VAPB: variants seen among roughly 807,000 people sequenced by gnomAD.
The protein encoded by VAPB is vesicle-associated membrane protein-associated protein B/C.
Under a neutral mutation model 25.6 loss-of-function variants are expected in VAPB, and 7 were observed. The observed-to-expected ratio is 0.27, with a 90% CI of 0.16 to 0.51. The LOEUF (loss-of-function observed/expected upper bound fraction) is 0.51, where lower values mean the gene tolerates loss of function less well. VAPB is among the 20% of genes least tolerant of loss of function. The probability of loss-of-function intolerance (pLI) is 0.97; values close to 1 mark genes in which losing one functional copy is unlikely to be tolerated. For missense variants in VAPB, 266 were observed against 301.3 expected (o/e 0.88, Z 0.87); for synonymous variants, 112 against 109.2 (o/e 1.03, Z -0.16).
At chr20:58,414,905 A>C (rs1170133715) in intron 1 of VAPB, among the ~76,000 whole-genome samples, 1 of 152,210 alleles carries the variant, frequency 6.6e-6, no homozygotes, top group Non-Finnish European at 1.5e-5. Context: ...GCGAGCCGAG[A>C]TCACGCCACT....
intron 1 of VAPB, among the ~76,000 whole-genome samples, chr20:58,400,797 T>A (rs998428812): frequency 2.0e-5 from 3 of 152,174 alleles, no homozygotes; most frequent in Admixed American, 6.5e-5. Context: ...AAACCAGAGG[T>A]TTGTCCTTGT....
intron 1 of VAPB, among the ~76,000 whole-genome samples, chr20:58,414,472 G>A (rs1388030683): frequency 6.6e-6 from 1 of 151,588 alleles, no homozygotes; most frequent in East Asian, 2.0e-4. Flanking sequence ...CTCAGACGGG[G>A]CGGTTGCCGG....
Position 58,447,580 on chromosome 20 carries a change from A to G in VAPB, c.*3345A>G, listed in dbSNP as rs190915844. ...ATTGCCCAGTTTGCAGGCTATGTTGAGTCAGATAGAACTGAATGTAGTGAG... is the reference window on the plus strand; with the variant it reads ...ATTGCCCAGTTTGCAGGCTATGTTGGGTCAGATAGAACTGAATGTAGTGAG... On this transcript the variant is annotated 3_prime_UTR_variant, in exon 6 of 6. Transcript: ENST00000475243. 1.1e-5 allele frequency: 5 copies of G among 454,020 alleles called. No homozygotes were observed. Among genetic ancestry groups the G allele is most frequent in the African/African-American group, 8.0e-5 (4 of 50,006 alleles). 28.1% of individuals were successfully genotyped at this position (454,020 alleles called of 1,614,324 possible).
At chr20:58,419,924 A>AT (rs1376869008) in intron 2 of VAPB, among the ~76,000 whole-genome samples, 1 of 152,098 alleles carries the variant, frequency 6.6e-6, no homozygotes, top group East Asian at 1.9e-4. Flanking sequence ...TGGTTGTACA[A>AT]TGTTAGTGTG....
intron 1 of VAPB, among the ~76,000 whole-genome samples, chr20:58,402,938 G>A (rs1386619751): frequency 1.3e-5 from 2 of 152,296 alleles, no homozygotes; most frequent in Admixed American, 6.5e-5. Context: ...TCAGGAGGTG[G>A]AAGCTGCAGT....
At chr20:58,417,614 T>TC (rs1437515491) in intron 1 of VAPB, among the ~76,000 whole-genome samples, 4 of 152,222 alleles carry the variant, frequency 2.6e-5, no homozygotes, top group Non-Finnish European at 2.9e-5. Context: ...ACTCTGAACT[T>TC]CTTGCTACAG....
intron 1 of VAPB, among the ~76,000 whole-genome samples, chr20:58,413,714 A>G (rs1265696842): frequency 1.3e-5 from 2 of 151,720 alleles, no homozygotes; most frequent in Non-Finnish European, 2.9e-5. Flanking sequence ...ACTTCCCAGT[A>G]GGGGCGGCCG....
chr20:58,408,562 A>G (rs1988289595), intron 1 of VAPB, among the ~76,000 whole-genome samples: 1 of 152,202 alleles, frequency 6.6e-6, no homozygotes. Flanking sequence ...ATGGTTATTT[A>G]ACAGCTCACT....
chr20:58,404,719 G>C (rs955850463), intron 1 of VAPB, among the ~76,000 whole-genome samples: 1 of 152,102 alleles, frequency 6.6e-6, no homozygotes, highest in African/African-American at 2.4e-5. Context: ...ATGAGCTAAC[G>C]TCACATTTGA....
chr20:58,450,041 TAAG>T lies in VAPB; in HGVS notation c.*5811_*5813del. 1 of 454,128 alleles carries T rather than the reference TAAG, an allele frequency of 2.2e-6. No individual in the cohort carries two copies. The highest frequency in any genetic ancestry group is 4.4e-6 in the Non-Finnish European group (1 of 226,802). The allele number at this position is 454,128 out of a possible 1,614,324, so 28.1% of individuals were successfully genotyped here. A position where few individuals can be genotyped will look rare whatever the true frequency, so the allele number is the denominator to read the frequency against. Reference sequence around the variant, plus strand: ...CAAGATTGCGGGGCTTTTTAGGGTTTAAGAAGATGAGAAATGAGTGTGCACGTT... The same window carrying T: ...CAAGATTGCGGGGCTTTTTAGGGTTTAAGATGAGAAATGAGTGTGCACGTT... On this transcript the variant is annotated 3_prime_UTR_variant, in exon 6 of 6. Transcript: ENST00000475243.
At chr20:58,410,368 C>T (rs184504973) in intron 1 of VAPB, among the ~76,000 whole-genome samples, 2 of 152,270 alleles carry the variant, frequency 1.3e-5, no homozygotes, top group African/African-American at 2.4e-5. Context: ...CTGCTCTATG[C>T]TCCTTGTGTT....
intron 1 of VAPB, among the ~76,000 whole-genome samples, chr20:58,410,491 A>G (rs1174502871): frequency 6.6e-6 from 1 of 152,116 alleles, no homozygotes; most frequent in African/African-American, 2.4e-5. Flanking sequence ...ATCTTCGCTC[A>G]CTGTAACCTT....
rs746628404 is a variant in VAPB, at chr20:58,439,049, T to A, written c.396+24T>A. ...CAGTAAGTATATTTATAGTTAACAA[T>A]AATTGAATGTTGTAAGCTGATACTT... On this transcript the variant is annotated intron_variant, in intron 4 of 5. Coordinates refer to ENST00000475243, the MANE Select transcript of VAPB (RefSeq NM_004738.5). 3 of 1,590,328 alleles carry A rather than the reference T, an allele frequency of 1.9e-6. No homozygotes were observed. In the Admixed American group the frequency reaches 5.0e-5, roughly 27 times the overall value.
rs554314719 is a variant in VAPB at position 58,447,878 on chromosome 20, G to C, written c.*3643G>C. ...TGAGAAATACATGTATGAAGAGATA[G>C]GGGTCTTGGGCTTCCCAGTGTCACT... is the stretch of plus-strand genomic sequence containing the variant. On this transcript the variant is annotated 3_prime_UTR_variant, in exon 6 of 6. Coordinates refer to ENST00000475243, the MANE Select transcript of VAPB (RefSeq NM_004738.5). 1.6e-4 allele frequency: 73 copies of C among 453,724 alleles called. No homozygotes were observed. Among genetic ancestry groups the C allele is most frequent in the Non-Finnish European group, 2.8e-4 (63 of 226,784 alleles). 28.1% of individuals were successfully genotyped at this position (453,724 alleles called of 1,614,324 possible).
intron 1 of VAPB, among the ~76,000 whole-genome samples, chr20:58,407,167 GAAA>G (rs963004976): frequency 6.6e-6 from 1 of 151,694 alleles, no homozygotes; most frequent in African/African-American, 2.4e-5. Flanking sequence ...TTTCTATTAC[GAAA>G]AAAAATCTAG....
Position 58,450,803 on chromosome 20 carries a change from T to C in VAPB, c.*6568T>C, listed in dbSNP as rs1207102578. ...TAATTTGTCCTTTATGTATTTTTCA[T>C]TGTATTTGCTGTTTTGACATGGAAG... On this transcript the variant is annotated 3_prime_UTR_variant, in exon 6 of 6. Transcript: ENST00000475243. 1.1e-5 allele frequency: 5 copies of C among 454,148 alleles called. No individual in the cohort carries two copies. Among genetic ancestry groups the C allele is most frequent in the Non-Finnish European group, 2.2e-5 (5 of 226,796 alleles). 28.1% of individuals were successfully genotyped at this position (454,148 alleles called of 1,614,324 possible).
intron 1 of VAPB, among the ~76,000 whole-genome samples, chr20:58,404,120 A>G (rs929647930): frequency 6.6e-6 from 1 of 152,142 alleles, no homozygotes; most frequent in Admixed American, 6.5e-5. Flanking sequence ...CCTTTGGACT[A>G]TACTTTATAC....
intron 3 of VAPB, among the ~76,000 whole-genome samples, chr20:58,435,154 G>A (rs1023918577): frequency 6.6e-6 from 1 of 151,944 alleles, no homozygotes; most frequent in African/African-American, 2.4e-5. Context: ...CATGTTTGTG[G>A]CTTTGTTCTA....
intron 1 of VAPB, among the ~76,000 whole-genome samples, chr20:58,399,681 C>T (rs1251221804): frequency 1.4e-5 from 2 of 147,410 alleles, no homozygotes; most frequent in Middle Eastern, 3.6e-3. Flanking sequence ...TGTGCCTCTG[C>T]ACTCCAGCCT....
Sources: gnomAD v4.1 joint callset for allele counts (sites outside exome capture counted in the v4.1 genomes callset) on GRCh38, gnomAD v4.1.1 for gene constraint, MANE v1.5 for transcripts, NCBI Gene and HGNC (gene_info 2026-07-23, HGNC 2026-07-21) for gene names.